The following SLC16A6 variants were observed in gnomAD, a reference collection of about 807,000 sequenced individuals.
SLC16A6 encodes the protein solute carrier family 16 member 6.
Under a neutral mutation model 33.8 loss-of-function variants are expected in SLC16A6, and 15 were observed. The ratio of observed to expected loss-of-function variants is 0.44; its 90% confidence interval spans 0.30 to 0.68. The LOEUF (loss-of-function observed/expected upper bound fraction) is 0.68. SLC16A6 is among the 30% of genes least tolerant of loss of function. The pLI is 0.10. For synonymous variants in SLC16A6, 219 were observed against 248.4 expected (o/e 0.88, Z 1.11); for missense variants, 451 against 661.5 (o/e 0.68, Z 3.49).
At chr17:68,280,666 C>T (rs1179337621) in intron 1 of SLC16A6, among the ~76,000 whole-genome samples, 1 of 152,110 alleles carries the variant, frequency 6.6e-6, no homozygotes, top group Non-Finnish European at 1.5e-5. Context: ...AAATGTAAGA[C>T]CTAAAACTAT....
intron 1 of SLC16A6, among the ~76,000 whole-genome samples, chr17:68,279,980 G>A (rs559387217): frequency 6.5e-4 from 99 of 152,082 alleles, no homozygotes; most frequent in African/African-American, 2.1e-3. Context: ...TCAGGAGTTC[G>A]AGACCAGCCT....
At chr17:68,276,167 C>A (rs2145029889) in intron 2 of SLC16A6, among the ~76,000 whole-genome samples, 1 of 151,564 alleles carries the variant, frequency 6.6e-6, no homozygotes, top group East Asian at 2.0e-4. Flanking sequence ...AATCTCAGCT[C>A]ACTGCAACCT....
At chr17:68,272,912 G>C in intron 3 of SLC16A6, 145 bp from the exon 4 acceptor site, 1 of 944,880 alleles carries the variant, frequency 1.1e-6, no homozygotes, top group Non-Finnish European at 1.6e-6. Flanking sequence ...CAAAGGTGAT[G>C]TTGCAAAGAA....
chr17:68,269,582 A>T (rs1180642693), intron 5 of SLC16A6, among the ~76,000 whole-genome samples: 1 of 147,314 alleles, frequency 6.8e-6, no homozygotes, highest in African/African-American at 2.6e-5. Context: ...AGAGGACCTA[A>T]AACCTGGGAC....
chr17:68,271,020 A>G lies in SLC16A6; in HGVS notation c.1140T>C (p.Thr380=). The G allele has an allele frequency of 6.2e-7, 1 of 1,614,218 alleles. No homozygotes were observed. Among genetic ancestry groups the G allele is most frequent in the Non-Finnish European group, 8.5e-7 (1 of 1,180,042 alleles). The change falls in exon 5 of 6, where the codon ACT becomes ACC. Residue 380 remains threonine (T), a synonymous_variant. Transcript: ENST00000580666. This position sits in a 1 kb window ranked among gnomAD's most constrained non-coding sequence, Gnocchi z 5.3. The part of the protein sequence containing the change: ...TVSLFAFTFA[T]EFWGLMSCSI... ...TGCATGACATTAGACCCCAGAATTC[A>G]GTAGCAAAAGTAAAGGCAAACAGAG...
rs1568412217 is a variant in SLC16A6, at chr17:68,278,317, T to A, written c.4A>T (p.Thr2Ser). Reference protein sequence around the residue: MTQNKLKLCSKA... With the variant: MSQNKLKLCSKA... ...GAACAAAGCTTTAATTTATTTTGGG[T>A]CATTCTTAATCTGAAAGAAAAAGTT... The change falls in exon 2 of 6, where the codon ACC (threonine) becomes TCC (serine). Residue 2 changes from threonine to serine, a missense_variant. By Grantham distance (58) the Thr-to-Ser change is moderately conservative. Around this residue, in one of 2 missense-constraint regions of SLC16A6, gnomAD observed 405 missense variants for 510.7 expected, o/e 0.79. Coordinates refer to ENST00000580666, the MANE Select transcript of SLC16A6 (RefSeq NM_004694.5). 6.2e-7 allele frequency: 1 copy of A among 1,609,756 alleles called. No homozygotes were observed. Among genetic ancestry groups the A allele is most frequent in the Non-Finnish European group, 8.5e-7 (1 of 1,177,522 alleles).
chr17:68,278,617 C>CTTTTT (rs56870988), intron 1 of SLC16A6, among the ~76,000 whole-genome samples: 1 of 111,980 alleles, frequency 8.9e-6, no homozygotes, highest in Non-Finnish European at 1.7e-5. Flanking sequence ...TTTCTTTTTC[C>CTTTTT]TTTTTTTTTT....
In SLC16A6 at chr17:68,272,688, A is replaced by G. The variant is rs1555749397; in HGVS notation, c.456T>C (p.Thr152=). Reference sequence around the variant, plus strand: ...AACATTCTCCTGTGGAAGCAACTGCAGTGACTATGGAACGTCTTTTGCCAA... The same window carrying G: ...AACATTCTCCTGTGGAAGCAACTGCGGTGACTATGGAACGTCTTTTGCCAA... ...QYFGKRRSIV[T]AVASTGECFA... Residue 152 remains threonine (T), a synonymous_variant, in exon 4 of 6, where the codon ACT becomes ACC. Coordinates refer to ENST00000580666, the MANE Select transcript of SLC16A6 (RefSeq NM_004694.5). 1.2e-6 allele frequency: 2 copies of G among 1,614,194 alleles called. No homozygotes were observed. Among genetic ancestry groups the G allele is most frequent in the Non-Finnish European group, 1.7e-6 (2 of 1,180,000 alleles).
chr17:68,280,985 GC>G (rs1323494365), intron 1 of SLC16A6, among the ~76,000 whole-genome samples: 2 of 151,954 alleles, frequency 1.3e-5, no homozygotes, highest in Non-Finnish European at 2.9e-5. Context: ...AATTAACTGG[GC>G]CTGGTGGCAC....
chr17:68,276,797 A>G (rs1330554737), intron 2 of SLC16A6, among the ~76,000 whole-genome samples: 1 of 152,088 alleles, frequency 6.6e-6, no homozygotes, highest in Non-Finnish European at 1.5e-5. Context: ...TTTCTCTTAG[A>G]AAACCCTTGG....
At position 68,268,628 on chromosome 17, in the gene SLC16A6, C is replaced by T. The variant is rs1331797974; in HGVS notation, c.*468G>A. 2 of 149,980 alleles carry T rather than the reference C, an allele frequency of 1.3e-5. No individual in the cohort carries two copies. Among genetic ancestry groups the T allele is most frequent in the African/African-American group, 4.9e-5 (2 of 40,854 alleles). 9.3% of individuals were successfully genotyped at this position (149,980 alleles called of 1,614,324 possible). On this transcript the variant is annotated 3_prime_UTR_variant, in exon 6 of 6. Coordinates refer to ENST00000580666, the MANE Select transcript of SLC16A6 (RefSeq NM_004694.5). ...TTGAAGTCTTTTTTTTTTTGACTGG[C>T]CAATTTCATTTCAATGACCTGGGTT...
At chr17:68,273,094 T>G (rs1239186871) in intron 3 of SLC16A6, among the ~76,000 whole-genome samples, 2 of 152,028 alleles carry the variant, frequency 1.3e-5, no homozygotes, top group Admixed American at 6.6e-5. Flanking sequence ...TAGAAAGAAA[T>G]AAGTCATTTC....
At chr17:68,275,479 A>G (rs1224256636) in intron 2 of SLC16A6, among the ~76,000 whole-genome samples, 1 of 152,226 alleles carries the variant, frequency 6.6e-6, no homozygotes, top group Non-Finnish European at 1.5e-5. Context: ...ATTAACAACT[A>G]GAATAATAGC....
At chr17:68,269,427 C>G in intron 5 of SLC16A6, 81 bp from the exon 6 acceptor site, 1 of 1,289,816 alleles carries the variant, frequency 7.8e-7, no homozygotes, top group South Asian at 1.5e-5. Context: ...CATTCAGAAG[C>G]CTCTCAGTTT....
Position 68,270,827 on chromosome 17 carries a change from T to G in SLC16A6, c.1321+12A>C. ...AGTAGACAAGTGTTTGTATTTTGTG[T>G]ATTTAAATTACCTGCAAGGGGCGGT... On this transcript the variant is annotated intron_variant, in intron 5 of 5. Coordinates refer to ENST00000580666, the MANE Select transcript of SLC16A6 (RefSeq NM_004694.5). 6.3e-7 allele frequency: 1 copy of G among 1,583,090 alleles called. No individual in the cohort carries two copies. Among genetic ancestry groups the G allele is most frequent in the African/African-American group, 1.4e-5 (1 of 73,850 alleles).
chr17:68,276,015 C>T (rs73351324), intron 2 of SLC16A6, among the ~76,000 whole-genome samples: 1,827 of 150,546 alleles, frequency 0.012, 34 homozygotes, highest in African/African-American at 0.042. Context: ...TCTTGATACT[C>T]ACTTAAAATA....
intron 2 of SLC16A6, among the ~76,000 whole-genome samples, chr17:68,275,404 A>G (rs2075482312): frequency 6.6e-6 from 1 of 152,146 alleles, no homozygotes. Context: ...AATACAAAGT[A>G]ATCTTGGATG....
chr17:68,281,921 A>G (rs2075707977), intron 1 of SLC16A6, among the ~76,000 whole-genome samples: 1 of 152,232 alleles, frequency 6.6e-6, no homozygotes, highest in South Asian at 2.1e-4. Context: ...AACTAGTTCA[A>G]CCATGGTGGA....
chr17:68,286,725 G>A (rs2075851262), intron 1 of SLC16A6, among the ~76,000 whole-genome samples: 1 of 152,048 alleles, frequency 6.6e-6, no homozygotes, highest in Non-Finnish European at 1.5e-5. Context: ...GGCTGGTCTC[G>A]AACTCCTGAC....
Sources: gnomAD v4.1 joint callset for allele counts (sites outside exome capture counted in the v4.1 genomes callset) on GRCh38, gnomAD v4.1.1 for gene constraint, gnomAD v4.1.1 regional missense constraint, Gnocchi (gnomAD v3.1) non-coding constraint, MANE v1.5 for transcripts, NCBI Gene and HGNC (gene_info 2026-07-23, HGNC 2026-07-21) for gene names.